The following TNFAIP8 variants were observed in gnomAD, a reference collection of about 807,000 sequenced individuals.
TNFAIP8 encodes tumor necrosis factor alpha-induced protein 8.
TNFAIP8 carries 7 observed loss-of-function variants against 13.3 expected under a neutral mutation model. The observed-to-expected ratio is 0.52, with a 90% CI of 0.30 to 0.99. The LOEUF (loss-of-function observed/expected upper bound fraction) is 0.99, where lower values mean the gene tolerates loss of function less well. TNFAIP8 is among the 50% of genes least tolerant of loss of function. The pLI is 0.07. For missense variants in TNFAIP8, 258 were observed against 236.9 expected, an observed-to-expected ratio of 1.09 and a Z score of -0.58; for synonymous variants, 94 against 87.6, an observed-to-expected ratio of 1.07 and a Z score of -0.41.
At chr5:119,320,765 C>CT (rs1319832755) in intron 1 of TNFAIP8, among the ~76,000 whole-genome samples, 1 of 151,944 alleles carries the variant, frequency 6.6e-6, no homozygotes, top group African/African-American at 2.4e-5. Context: ...ATCACATCCC[C>CT]TTTTTTTCTC....
rs983043380 is a variant in TNFAIP8, at chr5:119,395,945, A to G, written c.*2564A>G. On this transcript the variant is annotated 3_prime_UTR_variant, in exon 2 of 2. Coordinates refer to ENST00000504771, the MANE Select transcript of TNFAIP8 (RefSeq NM_014350.4). ...TGCTGGTGGCTTCTCTGCAAAAATTATGAGTGGATATGATAAGTGGATGAT... is the reference window on the plus strand; with the variant it reads ...TGCTGGTGGCTTCTCTGCAAAAATTGTGAGTGGATATGATAAGTGGATGAT... The G allele has an allele frequency of 6.6e-6, 1 of 152,182 alleles. No individual in the cohort carries two copies. The highest frequency in any genetic ancestry group is 6.5e-5 in the Admixed American group (1 of 15,280). The allele number at this position is 152,182 out of a possible 1,614,324, so 9.4% of individuals were successfully genotyped here.
At chr5:119,303,406 G>T (rs548118395) in intron 1 of TNFAIP8, among the ~76,000 whole-genome samples, 1 of 152,128 alleles carries the variant, frequency 6.6e-6, no homozygotes, top group African/African-American at 2.4e-5. Context: ...CTCATTCCTG[G>T]TACAGTATGA....
chr5:119,378,455 A>G (rs1258899805), intron 1 of TNFAIP8, among the ~76,000 whole-genome samples: 1 of 152,206 alleles, frequency 6.6e-6, no homozygotes, highest in East Asian at 1.9e-4. Flanking sequence ...TAACATGGCT[A>G]TGAAATGCCT....
intron 1 of TNFAIP8, among the ~76,000 whole-genome samples, chr5:119,272,044 A>G (rs900338688): frequency 3.9e-5 from 6 of 152,188 alleles, no homozygotes; most frequent in South Asian, 2.1e-4. Context: ...TGTAGAGGGT[A>G]AAAAACAAAA....
chr5:119,391,987 G>A (rs760678454), intron 1 of TNFAIP8, among the ~76,000 whole-genome samples: 3 of 152,074 alleles, frequency 2.0e-5, no homozygotes, highest in Non-Finnish European at 4.4e-5. Context: ...TAAACTCTAA[G>A]CAACAGCTTT....
intron 1 of TNFAIP8, among the ~76,000 whole-genome samples, chr5:119,278,669 C>A (rs67375044): frequency 0.04 from 6,051 of 152,066 alleles, 169 homozygotes; most frequent in Non-Finnish European, 0.064. Flanking sequence ...TCTGTACTAA[C>A]CCTGGGCTCC....
At chr5:119,293,618 TGTG>T (rs1377745893) in intron 1 of TNFAIP8, among the ~76,000 whole-genome samples, 15 of 152,350 alleles carry the variant, frequency 9.8e-5, no homozygotes, top group Non-Finnish European at 1.8e-4. Context: ...AAAATTGGAT[TGTG>T]GTAATGGTTA....
At chr5:119,325,161 G>A (rs1470193829) in intron 1 of TNFAIP8, among the ~76,000 whole-genome samples, 1 of 152,164 alleles carries the variant, frequency 6.6e-6, no homozygotes, top group Admixed American at 6.5e-5. Context: ...TGGATAGTTA[G>A]GCTCTAAAAG....
rs575714482 is a variant in TNFAIP8 at position 119,300,504 on chromosome 5, C to T, written c.1+31597C>T. ...TTTGCATGTCCTTGCAACTTAGAAA[C>T]GATATTGCATTCCTGACTCAGTCTA... On this transcript the variant is annotated intron_variant, in intron 1 of 1. Transcript: ENST00000274456. Among the ~76,000 whole-genome samples, 11 of 152,276 alleles carry T rather than the reference C, an allele frequency of 7.2e-5. No homozygotes were observed. The South Asian group carries it at 1.2e-3, about 17-fold the overall frequency.
chr5:119,311,494 A>T (rs1387854249), intron 1 of TNFAIP8, among the ~76,000 whole-genome samples: 1 of 151,924 alleles, frequency 6.6e-6, no homozygotes, highest in African/African-American at 2.4e-5. Context: ...GATTGAGACC[A>T]TCCTGGCTAA....
At chr5:119,391,667 G>A (rs1403885221) in intron 1 of TNFAIP8, among the ~76,000 whole-genome samples, 1 of 151,324 alleles carries the variant, frequency 6.6e-6, no homozygotes. Flanking sequence ...ACTGAGTTGT[G>A]AGAATCACTT....
At chr5:119,288,734 C>T (rs78798276) in intron 1 of TNFAIP8, among the ~76,000 whole-genome samples, 1 of 152,124 alleles carries the variant, frequency 6.6e-6, no homozygotes, top group East Asian at 1.9e-4. Flanking sequence ...TCAGAAGAAA[C>T]TAATCTGACT....
intron 1 of TNFAIP8, among the ~76,000 whole-genome samples, chr5:119,349,091 C>T (rs542661629): frequency 6.6e-6 from 1 of 152,064 alleles, no homozygotes; most frequent in African/African-American, 2.4e-5. Flanking sequence ...TTCTGTGGCC[C>T]CTCTCATGCT....
intron 1 of TNFAIP8, among the ~76,000 whole-genome samples, chr5:119,389,521 C>A (rs1473553284): frequency 1.3e-5 from 2 of 152,130 alleles, no homozygotes; most frequent in African/African-American, 4.8e-5. Flanking sequence ...TGAGCCTGCA[C>A]AGGAATGGCT....
At chr5:119,346,766 C>T (rs989824707) in intron 1 of TNFAIP8, among the ~76,000 whole-genome samples, 1 of 152,112 alleles carries the variant, frequency 6.6e-6, no homozygotes, top group Non-Finnish European at 1.5e-5. Context: ...GCTTTGTTTC[C>T]CTCAAAGACA....
At chr5:119,285,805 A>C (rs1273933829) in intron 1 of TNFAIP8, among the ~76,000 whole-genome samples, 1 of 152,254 alleles carries the variant, frequency 6.6e-6, no homozygotes, top group Non-Finnish European at 1.5e-5. Flanking sequence ...GCTTACATAC[A>C]TGAGGGTGCT....
At chr5:119,293,633 G>A (rs1026729904) in intron 1 of TNFAIP8, among the ~76,000 whole-genome samples, 6 of 152,106 alleles carry the variant, frequency 3.9e-5, no homozygotes, top group South Asian at 2.1e-4. Flanking sequence ...TAATGGTTAC[G>A]CAACTGTATA....
intron 1 of TNFAIP8, among the ~76,000 whole-genome samples, chr5:119,344,906 A>G (rs1279805862): frequency 6.6e-6 from 1 of 152,230 alleles, no homozygotes; most frequent in Non-Finnish European, 1.5e-5. Flanking sequence ...ATACCCCTAG[A>G]TAGGGCGAGC....
intron 1 of TNFAIP8, chr5:119,269,036 A>G: frequency 1.7e-6 from 1 of 591,852 alleles, no homozygotes; most frequent in African/African-American, 2.0e-5. Flanking sequence ...AGTGAGTGTG[A>G]GTGGGTGCGT....
Sources: gnomAD v4.1 joint callset for allele counts (sites outside exome capture counted in the v4.1 genomes callset) on GRCh38, gnomAD v4.1.1 for gene constraint, MANE v1.5 for transcripts, NCBI Gene and HGNC (gene_info 2026-07-23, HGNC 2026-07-21) for gene names.